The following TENM4 variants were observed in gnomAD, a reference collection of about 807,000 sequenced individuals.
TENM4 encodes teneurin transmembrane protein 4, also known as teneurin-4.
TENM4 carries 82 observed loss-of-function variants against 243.3 expected under a neutral mutation model. The ratio of observed to expected loss-of-function variants is 0.34; its 90% CI spans 0.28 to 0.40. The LOEUF is 0.40. TENM4 is among the 10% of genes least tolerant of loss of function. TENM4 has a pLI of 1.00. For missense variants in TENM4, 3,138 were observed against 3,673.3 expected (o/e 0.85, Z 3.77); for synonymous variants, 1,412 against 1,456.3 (o/e 0.97, Z 0.69).
chr11:79,360,481 C>T (rs1857571481), intron 1 of TENM4, among the ~76,000 whole-genome samples: 1 of 152,312 alleles, frequency 6.6e-6, no homozygotes, highest in South Asian at 2.1e-4. Flanking sequence ...TCAAGCTTGT[C>T]ATCAATGGTA....
intron 6 of TENM4, among the ~76,000 whole-genome samples, chr11:79,022,481 C>T (rs1858957316): frequency 6.6e-6 from 1 of 152,110 alleles, no homozygotes; most frequent in African/African-American, 2.4e-5. Context: ...AGTCCCAGGA[C>T]CAGGGGAGAG....
intron 6 of TENM4, among the ~76,000 whole-genome samples, chr11:78,991,598 G>GT (rs1858048447): frequency 1.3e-5 from 2 of 152,220 alleles, no homozygotes. Flanking sequence ...CACTTGGCTA[G>GT]TAAGTGGCTC....
At chr11:78,764,193 G>C (rs1028501379) in intron 18 of TENM4, among the ~76,000 whole-genome samples, 4 of 152,254 alleles carry the variant, frequency 2.6e-5, no homozygotes, top group African/African-American at 9.6e-5. Flanking sequence ...AGGTATGCAG[G>C]AGCGTGCTAT....
chr11:78,654,806 G>C lies in TENM4; in HGVS notation c.*3252C>G, dbSNP rs1057125452. ...CTCCAGCAATGTCTGTTTGGGGTGTGGGGGGGTGGGATAAAAAGGAAATCT... is the reference window on the plus strand; with the variant it reads ...CTCCAGCAATGTCTGTTTGGGGTGTCGGGGGGTGGGATAAAAAGGAAATCT... On this transcript the variant is annotated 3_prime_UTR_variant, in exon 34 of 34. Coordinates refer to ENST00000278550, the MANE Select transcript of TENM4 (RefSeq NM_001098816.3). The C allele has an allele frequency of 2.7e-4, 40 of 150,874 alleles. No individual in the cohort carries two copies. Among genetic ancestry groups the C allele is most frequent in the African/African-American group, 9.9e-4 (40 of 40,340 alleles). 9.3% of individuals were successfully genotyped at this position (150,874 alleles called of 1,614,324 possible).
chr11:79,240,779 C>T (rs572786488), intron 2 of TENM4, among the ~76,000 whole-genome samples: 12 of 152,208 alleles, frequency 7.9e-5, no homozygotes, highest in East Asian at 5.8e-4. Flanking sequence ...CCTTTCTCAA[C>T]GGGCCCTTTG....
rs796523030 is a variant in TENM4, at chr11:78,997,988, G to A, written c.493+66750C>T. Reference sequence around the variant, plus strand: ...AGGAAAGGCCATGTGAACACACAGTGAAAAGGCTGCTGTCTATTAGCCAGA... The same window carrying A: ...AGGAAAGGCCATGTGAACACACAGTAAAAAGGCTGCTGTCTATTAGCCAGA... On this transcript the variant is annotated intron_variant, in intron 6 of 33. Coordinates refer to ENST00000278550, the MANE Select transcript of TENM4 (RefSeq NM_001098816.3). Among the ~76,000 whole-genome samples the A allele has an allele frequency of 8.7e-4, 132 of 152,256 alleles. 1 individual carries two copies. Among genetic ancestry groups the A allele is most frequent in the African/African-American group, 2.7e-3 (113 of 41,560 alleles).
chr11:78,988,571 A>G (rs925244689), intron 6 of TENM4, among the ~76,000 whole-genome samples: 3 of 152,224 alleles, frequency 2.0e-5, no homozygotes, highest in Non-Finnish European at 4.4e-5. Flanking sequence ...AAGAAATCAC[A>G]AGACCAATAA....
At chr11:78,802,200 C>G (rs1201671116) in intron 15 of TENM4, among the ~76,000 whole-genome samples, 1 of 152,214 alleles carries the variant, frequency 6.6e-6, no homozygotes, top group Non-Finnish European at 1.5e-5. Context: ...ACAGCTTTCA[C>G]TCAATGAAAG....
chr11:79,301,860 T>C (rs517028), intron 1 of TENM4, among the ~76,000 whole-genome samples: 5 of 152,046 alleles, frequency 3.3e-5, no homozygotes, highest in African/African-American at 1.2e-4. Context: ...TTTCCGCCAT[T>C]ATGGTAAGTT....
Position 79,172,112 on chromosome 11 carries a change from T to C in TENM4, c.-162-23306A>G, listed in dbSNP as rs1352644047. Among the ~76,000 whole-genome samples the C allele has an allele frequency of 2.0e-5, 3 of 152,166 alleles. No homozygotes were observed. The East Asian group carries it at 5.8e-4, about 29-fold the overall frequency. On this transcript the variant is annotated intron_variant, in intron 3 of 33. Coordinates refer to ENST00000278550, the MANE Select transcript of TENM4 (RefSeq NM_001098816.3). The stretch of plus-strand genomic sequence containing the variant: ...GACTACAGGCACGTGCCACCACACC[T>C]GACTAATTTTTATTTATTTTTTGTA...
rs568158211 is a variant in TENM4, at chr11:79,270,478, C to T, written c.-265+27010G>A. Among the ~76,000 whole-genome samples, 15 of 152,280 alleles carry T rather than the reference C, an allele frequency of 9.9e-5. 1 individual carries two copies. The South Asian group carries it at 3.1e-3, about 32-fold the overall frequency. The stretch of plus-strand genomic sequence containing the variant: ...AAACTCCTAAATGATTTGGGATCAT[C>T]TGTACTGGATCAAATTCAAACTCCC... On this transcript the variant is annotated intron_variant, in intron 2 of 33. Transcript: ENST00000278550.
rs1343798292 is a variant in TENM4, at chr11:78,738,588, A to G, written c.2757-18T>C. ...AAGCATGCCTGTGGGAAGAGAAGAG[A>G]GAATAAACATGATACACCTTTCATG... On this transcript the variant is annotated intron_variant, in intron 19 of 33. Coordinates refer to ENST00000278550, the MANE Select transcript of TENM4 (RefSeq NM_001098816.3). 5.6e-6 allele frequency: 9 copies of G among 1,611,858 alleles called. No homozygotes were observed. The highest frequency in any genetic ancestry group is 7.6e-6 in the Non-Finnish European group (9 of 1,178,904).
chr11:79,176,024 C>T (rs1303732905), intron 3 of TENM4, among the ~76,000 whole-genome samples: 3 of 152,010 alleles, frequency 2.0e-5, no homozygotes, highest in Non-Finnish European at 4.4e-5. Context: ...CCCAGGAGGT[C>T]GAGGCTGCGG....
chr11:79,365,759 C>A (rs1169477677), intron 1 of TENM4, among the ~76,000 whole-genome samples: 2 of 152,076 alleles, frequency 1.3e-5, no homozygotes, highest in South Asian at 2.1e-4. Flanking sequence ...AGGGCAGCTC[C>A]ACCAGATCTC....
At chr11:78,820,198 C>A (rs918160282) in intron 12 of TENM4, among the ~76,000 whole-genome samples, 9 of 152,142 alleles carry the variant, frequency 5.9e-5, no homozygotes, top group African/African-American at 2.2e-4. Flanking sequence ...AATGGAACTG[C>A]GAAAAGCAAA....
chr11:79,327,576 C>A (rs1486038596), intron 1 of TENM4, among the ~76,000 whole-genome samples: 1 of 150,078 alleles, frequency 6.7e-6, no homozygotes, highest in African/African-American at 2.4e-5. Flanking sequence ...GATAAGAAAA[C>A]TGAGTCTTAG....
chr11:79,024,870 A>G (rs1344359833), intron 6 of TENM4, among the ~76,000 whole-genome samples: 1 of 152,244 alleles, frequency 6.6e-6, no homozygotes, highest in Non-Finnish European at 1.5e-5. Context: ...GCCACACACC[A>G]GAAAGCAATG....
At chr11:79,251,988 T>A in intron 2 of TENM4, among the ~76,000 whole-genome samples, 1 of 151,224 alleles carries the variant, frequency 6.6e-6, no homozygotes, top group Non-Finnish European at 1.5e-5. Flanking sequence ...AGAGGGCAAA[T>A]CAGAAGATCT....
intron 12 of TENM4, among the ~76,000 whole-genome samples, chr11:78,830,072 T>C (rs1368963495): frequency 2.0e-5 from 3 of 152,214 alleles, no homozygotes; most frequent in Non-Finnish European, 4.4e-5. Flanking sequence ...ATGGACGTAT[T>C]GGGGCTGCTG....
Sources: allele counts gnomAD v4.1 joint callset (sites outside exome capture counted in the v4.1 genomes callset), GRCh38; gene constraint gnomAD v4.1.1; transcripts MANE v1.5; gene names NCBI Gene and HGNC (gene_info 2026-07-23, HGNC 2026-07-21).